ERCC3: variants seen among roughly 807,000 people sequenced by gnomAD.
ERCC3 encodes the protein general transcription and DNA repair factor IIH helicase/translocase subunit XPB.
A neutral mutation model predicts 94.2 loss-of-function variants in ERCC3; 66 were observed. The observed-to-expected ratio is 0.70, with a 90% CI of 0.57 to 0.86. The LOEUF is 0.86. ERCC3 is among the 40% of genes least tolerant of loss of function. The probability of loss-of-function intolerance (pLI) is 0.00; values close to 1 mark genes in which losing one functional copy is unlikely to be tolerated. For missense variants in ERCC3, 829 were observed against 987.1 expected (o/e 0.84, Z 2.15); for synonymous variants, 349 against 369.1 (o/e 0.95, Z 0.63).
At chr2:127,289,313 C>T in intron 6 of ERCC3, 24 bp downstream of exon 6, 1 of 1,611,008 alleles carries the variant, frequency 6.2e-7, no homozygotes, top group South Asian at 1.1e-5. Context: ...GTGAAGGAAC[C>T]AGGAGGAAGG....
chr2:127,279,974 C>A lies in ERCC3; in HGVS notation c.1527+473G>T, dbSNP rs923718370. On this transcript the variant is annotated intron_variant, in intron 9 of 14. Coordinates refer to ENST00000285398, the MANE Select transcript of ERCC3 (RefSeq NM_000122.2). This position sits in a 1 kb window ranked among gnomAD's most constrained non-coding sequence, Gnocchi z 4.7. Reference sequence around the variant, plus strand: ...TTCTCAATTGGTAGTGTCAGCAATTCTTCCATTTAAGCCACACTTCCACAC... The same window carrying A: ...TTCTCAATTGGTAGTGTCAGCAATTATTCCATTTAAGCCACACTTCCACAC... 3.9e-5 allele frequency among the ~76,000 whole-genome samples: 6 copies of A among 152,192 alleles called. No homozygotes were observed. The highest frequency in any genetic ancestry group is 3.3e-4 in the Admixed American group (5 of 15,278).
rs545514425 is a variant in ERCC3, at chr2:127,280,002, G to A, written c.1527+445C>T. On this transcript the variant is annotated intron_variant, in intron 9 of 14. Coordinates refer to ENST00000285398, the MANE Select transcript of ERCC3 (RefSeq NM_000122.2). The surrounding 1 kb of genome is among the most constrained non-coding windows in gnomAD (Gnocchi z 6.3). The stretch of plus-strand genomic sequence containing the variant: ...CCATTTAAGCCACACTTCCACACAC[G>A]AGTCAGCACTGCTACTGAGTACCGC... Among the ~76,000 whole-genome samples the A allele has an allele frequency of 2.0e-4, 31 of 152,192 alleles. No homozygotes were observed. The highest frequency in any genetic ancestry group is 2.4e-4 in the Non-Finnish European group (16 of 68,022).
rs372094432 is a variant in ERCC3, at chr2:127,257,642, G to A, written c.2303C>T (p.Ala768Val). ...YMEYHSSRSK[A>V]PSKHVHPLFK... ...GAGCGGGTGTACATGTTTGCTGGGC[G>A]CCTTGCTCCGCGATGAGTGGTACTC... The change falls in exon 15 of 15, where the codon GCG (alanine) becomes GTG (valine). Residue 768 changes from alanine (A) to valine (V), a missense_variant. Transcript: ENST00000285398. The surrounding 1 kb of genome is among the most constrained non-coding windows in gnomAD (Gnocchi z 5.4). 1.3e-5 allele frequency: 21 copies of A among 1,614,040 alleles called. No individual in the cohort carries two copies. In the East Asian group the frequency reaches 3.1e-4, roughly 24 times the overall value.
rs1376920440 is a variant in ERCC3, at chr2:127,289,448, A to G, written c.711T>C (p.Asp237=). 1 of 1,613,062 alleles carries G rather than the reference A, an allele frequency of 6.2e-7. No homozygotes were observed. Residue 237 remains aspartate, a synonymous_variant, in exon 6 of 15, where the codon GAT becomes GAC. Transcript: ENST00000285398. The part of the protein sequence containing the change: ...SGGPSTSRVT[D]PQGKSDIPMD... ...TGGGGATGTCAGATTTACCCTGTGG[A>G]TCTGTCACTCGGGAAGTGGAGGGCC...
Position 127,258,929 on chromosome 2 carries a change from G to A in ERCC3, c.2217+367C>T, listed in dbSNP as rs1684103458. 6.6e-6 allele frequency among the ~76,000 whole-genome samples: 1 copy of A among 152,138 alleles called. No homozygotes were observed. Among genetic ancestry groups the A allele is most frequent in the African/African-American group, 2.4e-5 (1 of 41,440 alleles). On this transcript the variant is annotated intron_variant, in intron 14 of 14. Transcript: ENST00000285398. The surrounding 1 kb of genome is among the most constrained non-coding windows in gnomAD (Gnocchi z 4.1). ...AGGAGAACTGTGTGGCCACAGCCAG[G>A]GATGGCAGCCCTGTGTGTGGGAACT...
chr2:127,275,749 A>G (rs1558954943), intron 10 of ERCC3, among the ~76,000 whole-genome samples: 1 of 152,234 alleles, frequency 6.6e-6, no homozygotes, highest in Non-Finnish European at 1.5e-5. Flanking sequence ...ACACAAACCC[A>G]CCAAGAAAAC....
rs9282677 is a variant in ERCC3, at chr2:127,275,639, C to T, written c.1731-2678G>A. Among the ~76,000 whole-genome samples the T allele has an allele frequency of 2.7e-3, 407 of 152,258 alleles. 3 individuals carry two copies. The highest frequency in any genetic ancestry group is 9.5e-3 in the African/African-American group (394 of 41,556). ...GCTCCAGAAGACTGGAGGAGCATTG[C>T]TGTGGGAGGAAGGATGGGGAGAGAA... On this transcript the variant is annotated intron_variant, in intron 10 of 14. Coordinates refer to ENST00000285398, the MANE Select transcript of ERCC3 (RefSeq NM_000122.2).
intron 12 of ERCC3, among the ~76,000 whole-genome samples, chr2:127,266,499 G>A (rs775659791): frequency 4.6e-5 from 7 of 150,948 alleles, no homozygotes; most frequent in African/African-American, 1.2e-4. Flanking sequence ...CCACACACCC[G>A]GCTAATTTTT....
intron 11 of ERCC3, among the ~76,000 whole-genome samples, chr2:127,272,384 T>C (rs1352219237): frequency 3.3e-5 from 5 of 152,242 alleles, no homozygotes; most frequent in African/African-American, 1.2e-4. Flanking sequence ...TATTCTAAAC[T>C]GTGGGGCTAC....
rs1244650302 is a variant in ERCC3, at chr2:127,258,752, G to C, written c.2217+544C>G. On this transcript the variant is annotated intron_variant, in intron 14 of 14. Transcript: ENST00000285398. The surrounding 1 kb of genome is among the most constrained non-coding windows in gnomAD (Gnocchi z 4.1). ...TTAGACCATATATTTACTTGGCCTA[G>C]AGCAGGCATATTTGTAGAATAAATG... 6.6e-6 allele frequency among the ~76,000 whole-genome samples: 1 copy of C among 152,218 alleles called. No individual in the cohort carries two copies. Among genetic ancestry groups the C allele is most frequent in the African/African-American group, 2.4e-5 (1 of 41,460 alleles).
chr2:127,281,186 G>T (rs1341042308), intron 8 of ERCC3, among the ~76,000 whole-genome samples: 1 of 152,204 alleles, frequency 6.6e-6, no homozygotes, highest in Non-Finnish European at 1.5e-5. Context: ...TTACTGAAAA[G>T]AAAGTTGACA....
rs925117448 is a variant in ERCC3 at position 127,258,470 on chromosome 2, A to G, written c.2218-743T>C. Among the ~76,000 whole-genome samples the G allele has an allele frequency of 6.6e-6, 1 of 151,998 alleles. No homozygotes were observed. The highest frequency in any genetic ancestry group is 1.5e-5 in the Non-Finnish European group (1 of 68,004). On this transcript the variant is annotated intron_variant, in intron 14 of 14. Transcript: ENST00000285398. This position sits in a 1 kb window ranked among gnomAD's most constrained non-coding sequence, Gnocchi z 4.1. ...ATCCTGTGAGGAGAATGAACCAGGC[A>G]CCTCCTTAAAACCAGTGAGAGCAAT...
Position 127,257,459 on chromosome 2 carries a change from T to G in ERCC3, c.*137A>C, listed in dbSNP as rs774261993. ...GACCTATGAAGGCACAGCCAAGCCCTTGATGCATCTTCCTCAGCACAATTT... is the reference window on the plus strand; with the variant it reads ...GACCTATGAAGGCACAGCCAAGCCCGTGATGCATCTTCCTCAGCACAATTT... On this transcript the variant is annotated 3_prime_UTR_variant, in exon 15 of 15. Transcript: ENST00000285398. This position sits in a 1 kb window ranked among gnomAD's most constrained non-coding sequence, Gnocchi z 5.4. 2 of 1,065,566 alleles carry G rather than the reference T, an allele frequency of 1.9e-6. No homozygotes were observed. The highest frequency in any genetic ancestry group is 3.0e-4 in the Middle Eastern group (1 of 3,366). 66.0% of individuals were successfully genotyped at this position (1,065,566 alleles called of 1,614,324 possible).
At chr2:127,293,820 A>T in intron 1 of ERCC3, 102 bp from the exon 2 acceptor site, 1 of 1,596,234 alleles carries the variant, frequency 6.3e-7, no homozygotes, top group Non-Finnish European at 8.5e-7. Context: ...CTCCTAGCTA[A>T]GAGCCACCTG....
chr2:127,263,198 T>C (rs191331834), intron 12 of ERCC3, among the ~76,000 whole-genome samples: 3 of 152,282 alleles, frequency 2.0e-5, no homozygotes, highest in Admixed American at 2.0e-4. Context: ...CTGTGAAAAA[T>C]GATGTTGGCA....
rs947400668 is a variant in ERCC3, at chr2:127,259,006, G to C, written c.2217+290C>G. ...TCCAGTCACCACCAAGGTGAGCTGG[G>C]GTCACCTGCTTGCCATCCTGGGCTT... On this transcript the variant is annotated intron_variant, in intron 14 of 14. Transcript: ENST00000285398. This position sits in a 1 kb window ranked among gnomAD's most constrained non-coding sequence, Gnocchi z 4.9. 6.6e-6 allele frequency among the ~76,000 whole-genome samples: 1 copy of C among 151,960 alleles called. No homozygotes were observed. Among genetic ancestry groups the C allele is most frequent in the Non-Finnish European group, 1.5e-5 (1 of 67,968 alleles).
In ERCC3 at chr2:127,271,467, T is replaced by C. The variant is rs985278603; in HGVS notation, c.1828-14A>G. The C allele has an allele frequency of 3.8e-6, 6 of 1,577,254 alleles. No individual in the cohort carries two copies. The African/African-American group carries it at 4.1e-5, about 11-fold the overall frequency. ...AGTGTCACCTACCTACAGAAACAAG[T>C]TGGAAGGTTTTTATATATGAGGAAA... On this transcript the variant is annotated splice_polypyrimidine_tract_variant and intron_variant, in intron 11 of 14. Transcript: ENST00000285398. The surrounding 1 kb of genome is among the most constrained non-coding windows in gnomAD (Gnocchi z 5.0).
chr2:127,260,363 G>C (rs1043416670), intron 13 of ERCC3: 5 of 152,242 alleles, frequency 3.3e-5, no homozygotes, highest in Non-Finnish European at 7.3e-5. Flanking sequence ...GGAATCAGGA[G>C]GTAGGAATGC....
At chr2:127,261,715 T>C (rs1218005398) in intron 12 of ERCC3, 5 of 319,122 alleles carry the variant, frequency 1.6e-5, no homozygotes, top group East Asian at 1.6e-4. Flanking sequence ...AGTAAGCACA[T>C]GAAATGATGC....
Sources: allele counts gnomAD v4.1 joint callset (sites outside exome capture counted in the v4.1 genomes callset), GRCh38; gene constraint gnomAD v4.1.1; non-coding constraint Gnocchi (gnomAD v3.1); transcripts MANE v1.5; gene names NCBI Gene and HGNC (gene_info 2026-07-23, HGNC 2026-07-21).